SUMF1: variants seen among roughly 807,000 people sequenced by gnomAD.
SUMF1 encodes the protein sulfatase modifying factor 1.
Under a neutral mutation model 47.6 loss-of-function variants are expected in SUMF1, and 48 were observed. The ratio of observed to expected loss-of-function variants is 1.01; its 90% CI spans 0.80 to 1.28. The LOEUF is 1.28. SUMF1 is among the 50% of genes most tolerant of loss of function. SUMF1 has a pLI of 0.00. For missense variants in SUMF1, 571 were observed against 485.4 expected (o/e 1.18, Z -1.66); for synonymous variants, 230 against 192.1 (o/e 1.20, Z -1.63).
intron 9 of SUMF1, among the ~76,000 whole-genome samples, chr3:4,045,666 A>G (rs1054893482): frequency 1.3e-5 from 2 of 152,076 alleles, no homozygotes; most frequent in Non-Finnish European, 2.9e-5. Context: ...CAGATTCTGC[A>G]TATCTGTTAC....
At chr3:4,419,697 C>T (rs1701827816) in intron 4 of SUMF1, among the ~76,000 whole-genome samples, 1 of 152,102 alleles carries the variant, frequency 6.6e-6, no homozygotes. Flanking sequence ...ATTACTTATC[C>T]ATAAGACAGA....
At chr3:4,383,755 C>T (rs190554626) in intron 7 of SUMF1, among the ~76,000 whole-genome samples, 4 of 152,132 alleles carry the variant, frequency 2.6e-5, no homozygotes, top group African/African-American at 4.8e-5. Context: ...CAAGGGGAAG[C>T]GATGTGAACA....
intron 8 of SUMF1, among the ~76,000 whole-genome samples, chr3:4,136,463 A>C (rs1304730883): frequency 6.6e-6 from 1 of 152,046 alleles, no homozygotes; most frequent in African/African-American, 2.4e-5. Flanking sequence ...CTTATACAAA[A>C]ATTAATTCAA....
At chr3:4,324,027 G>A (rs1049162025) in intron 8 of SUMF1, among the ~76,000 whole-genome samples, 2 of 152,042 alleles carry the variant, frequency 1.3e-5, no homozygotes, top group African/African-American at 4.8e-5. Flanking sequence ...TTATATTACT[G>A]TATAGATTTA....
chr3:4,223,144 G>C (rs1696104381), intron 8 of SUMF1, among the ~76,000 whole-genome samples: 3 of 152,092 alleles, frequency 2.0e-5, no homozygotes, highest in Admixed American at 1.3e-4. Flanking sequence ...AAATAGAATA[G>C]CTTTTACTAA....
At chr3:4,112,085 T>C (rs976262451) in intron 8 of SUMF1, among the ~76,000 whole-genome samples, 1 of 152,092 alleles carries the variant, frequency 6.6e-6, no homozygotes, top group African/African-American at 2.4e-5. Flanking sequence ...TTTTTATTTC[T>C]AATCTGAGAC....
Position 4,263,636 on chromosome 3 carries a change from TCA to T in SUMF1, c.1014+112692_1014+112693del, listed in dbSNP as rs368279904. On this transcript the variant is annotated intron_variant and NMD_transcript_variant, in intron 8 of 12. Coordinates refer to the SUMF1 transcript ENST00000448413. ...TCACCCAGTTCACTGGGAAATGCCC[TCA>T]GACTATTCTTTGCCTATAAAATCCT... Among the ~76,000 whole-genome samples, 31 of 152,296 alleles carry T rather than the reference TCA, an allele frequency of 2.0e-4. No individual in the cohort carries two copies. The East Asian group carries it at 5.2e-3, about 26-fold the overall frequency.
chr3:4,256,597 C>G lies in SUMF1; in HGVS notation c.1014+119733G>C, dbSNP rs1230016516. Reference sequence around the variant, plus strand: ...GTTGAATCTCTGAATAGACCAATAACAGGAGCTGAAATTGTGGCAATAATC... The same window carrying G: ...GTTGAATCTCTGAATAGACCAATAAGAGGAGCTGAAATTGTGGCAATAATC... On this transcript the variant is annotated intron_variant and NMD_transcript_variant, in intron 8 of 12. Coordinates refer to the SUMF1 transcript ENST00000448413. Among the ~76,000 whole-genome samples, 8 of 149,696 alleles carry G rather than the reference C, an allele frequency of 5.3e-5. No individual in the cohort carries two copies. The East Asian group carries it at 1.0e-3, about 19-fold the overall frequency.
intron 8 of SUMF1, among the ~76,000 whole-genome samples, chr3:4,285,251 A>C (rs763714770): frequency 6.6e-6 from 1 of 152,214 alleles, no homozygotes; most frequent in Non-Finnish European, 1.5e-5. Context: ...CGAAATTACT[A>C]ATAGCAAGGG....
chr3:4,241,107 G>C (rs1272081016), intron 8 of SUMF1, among the ~76,000 whole-genome samples: 1 of 152,108 alleles, frequency 6.6e-6, no homozygotes, highest in Admixed American at 6.6e-5. Flanking sequence ...TAATTAGAGA[G>C]AAGATTTGGG....
At chr3:4,422,003 T>C (rs1334791308) in intron 3 of SUMF1, among the ~76,000 whole-genome samples, 1 of 152,236 alleles carries the variant, frequency 6.6e-6, no homozygotes, top group African/African-American at 2.4e-5. Context: ...AGAACATTCA[T>C]GATATCTCAA....
intron 8 of SUMF1, among the ~76,000 whole-genome samples, chr3:4,347,740 T>C (rs980241952): frequency 7.2e-5 from 11 of 152,194 alleles, no homozygotes; most frequent in Non-Finnish European, 1.3e-4. Flanking sequence ...GGAAGTCAGA[T>C]TGTCTCTGTT....
In SUMF1 at chr3:4,289,551, G is replaced by T. The variant is rs578249137; in HGVS notation, c.1014+86779C>A. On this transcript the variant is annotated intron_variant and NMD_transcript_variant, in intron 8 of 12. Transcript: ENST00000448413. ...TCAGAGCTTAAGCCCTTGCCTTCAA[G>T]CAAGTATATATCTTAATTATATCAA... Among the ~76,000 whole-genome samples the T allele has an allele frequency of 3.3e-5, 5 of 152,228 alleles. No homozygotes were observed. The East Asian group carries it at 9.7e-4, about 29-fold the overall frequency.
chr3:4,436,962 G>A (rs1412623742), intron 3 of SUMF1, among the ~76,000 whole-genome samples: 2 of 151,960 alleles, frequency 1.3e-5, no homozygotes, highest in Admixed American at 1.3e-4. Flanking sequence ...TGCCTTTAGT[G>A]TGCCAAAGAA....
At chr3:4,297,429 G>T (rs1408324330) in intron 8 of SUMF1, among the ~76,000 whole-genome samples, 2 of 152,046 alleles carry the variant, frequency 1.3e-5, no homozygotes, top group Non-Finnish European at 2.9e-5. Context: ...TAGAGAGAAG[G>T]TCTCTCTCCG....
chr3:4,458,795 G>C (rs1226753773), intron 1 of SUMF1, among the ~76,000 whole-genome samples: 1 of 152,136 alleles, frequency 6.6e-6, no homozygotes, highest in Non-Finnish European at 1.5e-5. Context: ...GGCGGAGCTT[G>C]CAGCGAGCCG....
At chr3:4,204,770 C>T (rs1304105433) in intron 8 of SUMF1, among the ~76,000 whole-genome samples, 1 of 152,020 alleles carries the variant, frequency 6.6e-6, no homozygotes, top group Non-Finnish European at 1.5e-5. Context: ...TGTTAAGACA[C>T]ACTGATGTAT....
At chr3:4,088,221 T>C (rs562455295) in intron 8 of SUMF1, among the ~76,000 whole-genome samples, 1 of 152,180 alleles carries the variant, frequency 6.6e-6, no homozygotes, top group South Asian at 2.1e-4. Context: ...CCTTCTTCCA[T>C]CTATTCCTTC....
intron 7 of SUMF1, among the ~76,000 whole-genome samples, chr3:4,376,723 C>G (rs1221029383): frequency 6.6e-6 from 1 of 152,228 alleles, no homozygotes; most frequent in African/African-American, 2.4e-5. Context: ...TGTCATGATG[C>G]AAATTTATCC....
Sources: allele counts gnomAD v4.1 joint callset (sites outside exome capture counted in the v4.1 genomes callset), GRCh38; gene constraint gnomAD v4.1.1; transcripts MANE v1.5; gene names NCBI Gene and HGNC (gene_info 2026-07-23, HGNC 2026-07-21).